Variants in SRGAP3 observed in about 807,000 individuals in gnomAD.
SRGAP3 encodes the protein SLIT-ROBO Rho GTPase activating protein 3.
A neutral mutation model predicts 121.1 loss-of-function variants in SRGAP3; 39 were observed. That is an observed-to-expected ratio of 0.32 (90% CI 0.25 to 0.42). The LOEUF is 0.42. Ranked by LOEUF, SRGAP3 falls within the 10% of genes least tolerant of loss-of-function variation. The pLI is 1.00. For synonymous variants in SRGAP3, 601 were observed against 570.0 expected (o/e 1.05, Z -0.77); for missense variants, 1,213 against 1,470.6 (o/e 0.82, Z 2.86).
chr3:9,182,596 T>G (rs1412212903), intron 1 of SRGAP3, among the ~76,000 whole-genome samples: 3 of 152,240 alleles, frequency 2.0e-5, no homozygotes. Context: ...GATGCTGTGT[T>G]ACAGCACTCC....
chr3:9,275,026 G>T (rs911932041), intron 3 of SRGAP3, among the ~76,000 whole-genome samples: 2 of 152,140 alleles, frequency 1.3e-5, no homozygotes, highest in African/African-American at 4.8e-5. Context: ...TTGAGCCAAG[G>T]TTCCAGGCTT....
chr3:9,281,949 A>G (rs542779468), intron 3 of SRGAP3, among the ~76,000 whole-genome samples: 3 of 152,370 alleles, frequency 2.0e-5, no homozygotes, highest in Admixed American at 2.0e-4. Flanking sequence ...TACAGGCATG[A>G]GCCACTGTGC....
In SRGAP3 at chr3:9,015,884, G is replaced by A. The variant is rs926502206; in HGVS notation, c.1679-153C>T. ...CATATGAGGCCCCCCACTTCAGCAA[G>A]TTTAAAGTTCTCCCTGCAACTTATT... On this transcript the variant is annotated intron_variant, in intron 14 of 21. Transcript: ENST00000383836. 5 of 779,780 alleles carry A rather than the reference G, an allele frequency of 6.4e-6. No homozygotes were observed. The East Asian group carries it at 1.3e-4, about 21-fold the overall frequency. 48.3% of individuals were successfully genotyped at this position (779,780 alleles called of 1,614,324 possible). A position where few individuals can be genotyped will look rare whatever the true frequency, so the allele number is the denominator to read the frequency against.
At chr3:9,316,568 G>A (rs1955350122) in intron 3 of SRGAP3, among the ~76,000 whole-genome samples, 1 of 152,068 alleles carries the variant, frequency 6.6e-6, no homozygotes, top group Non-Finnish European at 1.5e-5. Context: ...GCTGAGGCAG[G>A]AGAATGGCTT....
intron 1 of SRGAP3, among the ~76,000 whole-genome samples, chr3:9,171,016 G>C (rs1950957922): frequency 1.3e-5 from 2 of 152,206 alleles, no homozygotes; most frequent in African/African-American, 4.8e-5. Flanking sequence ...TCCTGGCCTT[G>C]GGCAGTCAGC....
intron 1 of SRGAP3, among the ~76,000 whole-genome samples, chr3:9,358,706 G>A (rs1473374100): frequency 6.6e-6 from 1 of 152,206 alleles, no homozygotes; most frequent in Non-Finnish European, 1.5e-5. Context: ...CAGGCTTTAA[G>A]TTGGGGTTTC....
chr3:9,310,774 T>C (rs1373850752), intron 3 of SRGAP3, among the ~76,000 whole-genome samples: 2 of 152,278 alleles, frequency 1.3e-5, no homozygotes, highest in African/African-American at 2.4e-5. Context: ...CTGAAACTAG[T>C]CCTAAACCTA....
At chr3:9,090,592 G>A (rs1030828655) in intron 3 of SRGAP3, among the ~76,000 whole-genome samples, 8 of 152,244 alleles carry the variant, frequency 5.3e-5, no homozygotes, top group South Asian at 2.1e-4. Context: ...AAACCTCACA[G>A]TAGGTCCTAA....
At chr3:9,009,848 A>G (rs1455539506) in intron 18 of SRGAP3, among the ~76,000 whole-genome samples, 4 of 152,152 alleles carry the variant, frequency 2.6e-5, no homozygotes, top group African/African-American at 9.7e-5. Flanking sequence ...GCACCATGAG[A>G]AGCTACTTCC....
intron 3 of SRGAP3, among the ~76,000 whole-genome samples, chr3:9,317,910 T>C (rs1163970181): frequency 1.3e-5 from 2 of 152,322 alleles, no homozygotes; most frequent in East Asian, 1.9e-4. Context: ...TCAGTAAACA[T>C]ATTGTGGTAC....
intron 18 of SRGAP3, among the ~76,000 whole-genome samples, chr3:9,003,236 T>C (rs147648392): frequency 0.034 from 5,246 of 152,188 alleles, 137 homozygotes; most frequent in Middle Eastern, 0.061. Flanking sequence ...TCTCAGCACT[T>C]TGGGAGGCAG....
intron 3 of SRGAP3, among the ~76,000 whole-genome samples, chr3:9,102,634 C>T (rs1167087354): frequency 6.6e-6 from 1 of 152,242 alleles, no homozygotes; most frequent in Non-Finnish European, 1.5e-5. Flanking sequence ...AGCCAGGCTC[C>T]GTCCGCGCCT....
intron 3 of SRGAP3, among the ~76,000 whole-genome samples, chr3:9,303,424 CAAAAA>C (rs549883408): frequency 1.1e-5 from 1 of 87,562 alleles, no homozygotes. Context: ...GACTCCATCT[CAAAAA>C]AAAAAAAAAA....
At chr3:9,002,723 T>C (rs1459005228) in intron 18 of SRGAP3, among the ~76,000 whole-genome samples, 2 of 150,228 alleles carry the variant, frequency 1.3e-5, no homozygotes. Flanking sequence ...TGAGAGAGGA[T>C]TCAAATGATT....
At chr3:9,348,839 A>G in intron 1 of SRGAP3, 2 of 1,329,660 alleles carry the variant, frequency 1.5e-6, no homozygotes, top group South Asian at 1.2e-5. Context: ...TCCTTTCTAC[A>G]ACATCAGTAA....
At chr3:9,067,739 G>A (rs954660454) in intron 4 of SRGAP3, among the ~76,000 whole-genome samples, 3 of 152,122 alleles carry the variant, frequency 2.0e-5, no homozygotes, top group Non-Finnish European at 4.4e-5. Flanking sequence ...AGCAAACCAC[G>A]ATGGCACACG....
intron 2 of SRGAP3, among the ~76,000 whole-genome samples, chr3:9,119,293 G>A (rs1418325348): frequency 6.6e-6 from 1 of 152,140 alleles, no homozygotes; most frequent in Non-Finnish European, 1.5e-5. Context: ...TCCCACCCAG[G>A]CCATCACTGT....
chr3:9,243,371 A>G (rs1158465008), intron 1 of SRGAP3, among the ~76,000 whole-genome samples: 1 of 152,118 alleles, frequency 6.6e-6, no homozygotes, highest in Non-Finnish European at 1.5e-5. Flanking sequence ...ATGGTGGCTC[A>G]CGTCTGTAAT....
intron 3 of SRGAP3, among the ~76,000 whole-genome samples, chr3:9,100,086 G>T (rs1055562873): frequency 3.9e-5 from 6 of 152,220 alleles, no homozygotes; most frequent in African/African-American, 1.4e-4. Context: ...GTGATTTTGG[G>T]AGAAATCTTT....
Sources: gnomAD v4.1 joint callset for allele counts (sites outside exome capture counted in the v4.1 genomes callset) on GRCh38, gnomAD v4.1.1 for gene constraint, MANE v1.5 for transcripts, NCBI Gene and HGNC (gene_info 2026-07-23, HGNC 2026-07-21) for gene names.